RASEF: variants seen among roughly 807,000 people sequenced by gnomAD.
The protein encoded by RASEF is ras and EF-hand domain-containing protein.
Under a neutral mutation model 90.1 loss-of-function variants are expected in RASEF, and 68 were observed. The observed-to-expected ratio is 0.75, with a 90% CI of 0.62 to 0.92. The LOEUF (loss-of-function observed/expected upper bound fraction) is 0.92. Ranked by LOEUF, RASEF falls within the 40% of genes least tolerant of loss-of-function variation. The pLI is 0.00. For synonymous variants in RASEF, 331 were observed against 345.2 expected (o/e 0.96, Z 0.46); for missense variants, 949 against 937.2 (o/e 1.01, Z -0.16).
intron 1 of RASEF, among the ~76,000 whole-genome samples, chr9:83,031,690 CT>C (rs1192832769): frequency 9.8e-5 from 15 of 152,292 alleles, no homozygotes; most frequent in Admixed American, 5.9e-4. Context: ...TAAAAAATTA[CT>C]TTGGAAGAGG....
chr9:83,219,224 T>A, the RASEF span: 1 of 152,224 alleles, frequency 6.6e-6, no homozygotes, highest in Non-Finnish European at 1.5e-5. Flanking sequence ...GACAGAGAGT[T>A]AGGTCCCCCG....
chr9:83,169,033 T>A, the RASEF span, among the ~76,000 whole-genome samples: 2 of 150,498 alleles, frequency 1.3e-5, no homozygotes, highest in Non-Finnish European at 3.0e-5. Flanking sequence ...CCATTCTATT[T>A]GCTACCTCCA....
At chr9:83,115,919 T>G in the RASEF span, among the ~76,000 whole-genome samples, 1 of 152,016 alleles carries the variant, frequency 6.6e-6, no homozygotes, top group South Asian at 2.1e-4. Flanking sequence ...TTAAAACCTA[T>G]GCATTAAAAA....
chr9:83,184,198 G>A, the RASEF span, among the ~76,000 whole-genome samples: 23 of 152,172 alleles, frequency 1.5e-4, no homozygotes, highest in Admixed American at 9.8e-4. Context: ...GCTTGGGAGG[G>A]ACAAGGAAGC....
chr9:83,049,614 T>G (rs1830004977), intron 1 of RASEF, among the ~76,000 whole-genome samples: 1 of 145,608 alleles, frequency 6.9e-6, no homozygotes, highest in African/African-American at 2.6e-5. Flanking sequence ...TATGTATACA[T>G]GTGCCATGCT....
chr9:83,138,602 C>G, the RASEF span, among the ~76,000 whole-genome samples: 2 of 152,192 alleles, frequency 1.3e-5, no homozygotes, highest in Non-Finnish European at 2.9e-5. Context: ...AGCAGAGCCA[C>G]TTCCTTAAAA....
chr9:83,091,550 G>A, the RASEF span, among the ~76,000 whole-genome samples: 2 of 152,034 alleles, frequency 1.3e-5, no homozygotes, highest in Non-Finnish European at 2.9e-5. Context: ...GGGAGACACT[G>A]ACTGAAAAAA....
chr9:82,993,394 CAGCACACAG>C (rs1828851427), intron 14 of RASEF, among the ~76,000 whole-genome samples: 1 of 152,108 alleles, frequency 6.6e-6, no homozygotes, highest in African/African-American at 2.4e-5. Context: ...TTCTTATCTC[CAGCACACAG>C]AGCACTACAA....
the RASEF span, among the ~76,000 whole-genome samples, chr9:83,194,681 C>T: frequency 6.6e-6 from 1 of 152,188 alleles, no homozygotes; most frequent in African/African-American, 2.4e-5. Context: ...AAAGATTTAT[C>T]TCTTCTCCCC....
At position 83,015,878 on chromosome 9, in the gene RASEF, G is replaced by T; in HGVS notation, c.692C>A (p.Ala231Asp). The change falls in exon 4 of 17, where the codon GCC becomes GAC. Residue 231 changes from alanine to aspartate, a missense_variant. Physicochemically the swap from Ala to Asp is moderately radical, Grantham distance 126. Around this residue, in one of 3 missense-constraint regions of RASEF, gnomAD observed 656 missense variants for 592.2 expected, o/e 1.11. Transcript: ENST00000376447. ...ATACTGACGTCTGAGGTCACTGAGG[G>T]CTTCCTCAGCTTTGCGTTTTTCCTA... Reference protein sequence around the residue: ...RKDEKRKAEEALSDLRRQYET... With the variant: ...RKDEKRKAEEDLSDLRRQYET... 1 of 1,613,348 alleles carries T rather than the reference G, an allele frequency of 6.2e-7. No homozygotes were observed. The highest frequency in any genetic ancestry group is 8.5e-7 in the Non-Finnish European group (1 of 1,179,580).
At chr9:83,175,087 T>C in the RASEF span, among the ~76,000 whole-genome samples, 1 of 152,170 alleles carries the variant, frequency 6.6e-6, no homozygotes, top group Non-Finnish European at 1.5e-5. Flanking sequence ...GTTTTAATTC[T>C]TCCTTTTCAA....
the RASEF span, among the ~76,000 whole-genome samples, chr9:83,111,111 G>T: frequency 1.3e-5 from 2 of 152,248 alleles, no homozygotes; most frequent in South Asian, 2.1e-4. Context: ...CAAATAATAA[G>T]AAACAATCAA....
At chr9:83,052,410 TTG>T (rs1489874070) in intron 1 of RASEF, among the ~76,000 whole-genome samples, 31 of 106,650 alleles carry the variant, frequency 2.9e-4, no homozygotes, top group African/African-American at 1.3e-3. Context: ...TCATTTTTTA[TTG>T]TGTCTATTTG....
chr9:83,150,799 T>C, the RASEF span, among the ~76,000 whole-genome samples: 1 of 152,198 alleles, frequency 6.6e-6, no homozygotes, highest in Non-Finnish European at 1.5e-5. Flanking sequence ...TCATTGTTTA[T>C]TTTGGATCTA....
chr9:83,043,692 A>C (rs1030543118), intron 1 of RASEF, among the ~76,000 whole-genome samples: 1 of 152,176 alleles, frequency 6.6e-6, no homozygotes, highest in Non-Finnish European at 1.5e-5. Flanking sequence ...AGCGAAGTTT[A>C]TCTCTTCTAC....
At position 83,055,423 on chromosome 9, in the gene RASEF, C is replaced by T. The variant is rs1212531200; in HGVS notation, c.431+7014G>A. On this transcript the variant is annotated intron_variant, in intron 1 of 16. Transcript: ENST00000376447. ...TCGGCTCGCGCACGGTGCGCGCACA[C>T]ACTGGCCTGCGCCCACTGTCTCGCA... 2.2e-5 allele frequency: 13 copies of T among 603,160 alleles called. No homozygotes were observed. The Admixed American group carries it at 3.0e-4, about 14-fold the overall frequency. The allele number at this position is 603,160 out of a possible 1,614,324, so 37.4% of individuals were successfully genotyped here. A position where few individuals can be genotyped will look rare whatever the true frequency, so the allele number is the denominator to read the frequency against.
the RASEF span, among the ~76,000 whole-genome samples, chr9:83,208,636 C>T: frequency 1.3e-5 from 2 of 152,148 alleles, no homozygotes; most frequent in Non-Finnish European, 2.9e-5. Context: ...TAGCAGGGGG[C>T]ATGGCACCTC....
intron 16 of RASEF, among the ~76,000 whole-genome samples, chr9:82,984,640 C>T (rs543078824): frequency 2.2e-4 from 33 of 152,244 alleles, no homozygotes; most frequent in Middle Eastern, 6.8e-3. Context: ...ACAATTCAAA[C>T]CCTAACACCC....
chr9:82,982,805 C>G lies in RASEF; in HGVS notation c.2118-23G>C, dbSNP rs62561889. 374 of 917,092 alleles carry G rather than the reference C, an allele frequency of 4.1e-4. 1 individual carries two copies. In the African/African-American group the frequency reaches 5.1e-3, roughly 13 times the overall value. 56.8% of individuals were successfully genotyped at this position (917,092 alleles called of 1,614,324 possible). On this transcript the variant is annotated intron_variant, in intron 16 of 16. Coordinates refer to ENST00000376447, the MANE Select transcript of RASEF (RefSeq NM_152573.4). ...TCTCTGAGACAGAGATAGAGAGAGACAGAGAGAGAGAGAGAGAGAGAGAGA... is the reference window on the plus strand; with the variant it reads ...TCTCTGAGACAGAGATAGAGAGAGAGAGAGAGAGAGAGAGAGAGAGAGAGA...
Sources: allele counts gnomAD v4.1 joint callset (sites outside exome capture counted in the v4.1 genomes callset), GRCh38; gene constraint gnomAD v4.1.1; regional missense constraint gnomAD v4.1.1; transcripts MANE v1.5; gene names NCBI Gene and HGNC (gene_info 2026-07-23, HGNC 2026-07-21).